RBFOX3: variants seen among roughly 807,000 people sequenced by gnomAD.
RBFOX3 encodes the protein RNA binding fox-1 homolog 3, also known as RNA binding protein fox-1 homolog 3.
A neutral mutation model predicts 48.7 loss-of-function variants in RBFOX3; 17 were observed. The ratio of observed to expected loss-of-function variants is 0.35; its 90% CI spans 0.24 to 0.52. The LOEUF (loss-of-function observed/expected upper bound fraction) is 0.52. Among genes scored for constraint, RBFOX3 ranks in the 20% least tolerant of loss-of-function variants. RBFOX3 has a pLI of 0.94. For synonymous variants in RBFOX3, 212 were observed against 209.5 expected (o/e 1.01, Z -0.10); for missense variants, 382 against 497.5 (o/e 0.77, Z 2.21).
At chr17:79,552,632 CCATTGT>C (rs2091264582) in intron 1 of RBFOX3, among the ~76,000 whole-genome samples, 8 of 152,028 alleles carry the variant, frequency 5.3e-5, no homozygotes, top group African/African-American at 1.9e-4. Flanking sequence ...TATAATGATT[CCATTGT>C]AATTCAAGAA....
At chr17:79,181,006 G>T (rs1472738975) in intron 4 of RBFOX3, among the ~76,000 whole-genome samples, 2 of 152,168 alleles carry the variant, frequency 1.3e-5, no homozygotes, top group African/African-American at 4.8e-5. Flanking sequence ...CTTCCCCGTG[G>T]GTCATGTTGG....
At chr17:79,562,341 C>T (rs2092275467) in intron 1 of RBFOX3, among the ~76,000 whole-genome samples, 2 of 152,206 alleles carry the variant, frequency 1.3e-5, no homozygotes, top group South Asian at 4.1e-4. Flanking sequence ...CGTCCATCTC[C>T]TCTCTTGAGT....
chr17:79,352,490 T>G lies in RBFOX3; in HGVS notation c.-174-44666A>C, dbSNP rs574468175. Reference sequence around the variant, plus strand: ...ACTCAGCCTCGGTTCTTTATGGCAGTGCGAGAACAGATGAAAACAGAAGTG... The same window carrying G: ...ACTCAGCCTCGGTTCTTTATGGCAGGGCGAGAACAGATGAAAACAGAAGTG... On this transcript the variant is annotated intron_variant, in intron 2 of 14. Transcript: ENST00000693108. Among the ~76,000 whole-genome samples the G allele has an allele frequency of 7.2e-5, 11 of 152,310 alleles. No homozygotes were observed. In the East Asian group the frequency reaches 1.9e-3, roughly 27 times the overall value.
rs537595273 is a variant in RBFOX3 at position 79,277,021 on chromosome 17, C to T, written c.-74+30703G>A. The stretch of plus-strand genomic sequence containing the variant: ...AGTGAGCACATGATGACGTCAGCCT[C>T]GGCCTTCTCCAAACTCCAAGGTGGT... On this transcript the variant is annotated intron_variant, in intron 3 of 14. Coordinates refer to ENST00000693108, the MANE Select transcript of RBFOX3 (RefSeq NM_001350451.2). 2.2e-4 allele frequency among the ~76,000 whole-genome samples: 34 copies of T among 152,344 alleles called. No individual in the cohort carries two copies. The East Asian group carries it at 4.8e-3, about 22-fold the overall frequency.
At chr17:79,557,388 C>T (rs1258677906) in intron 1 of RBFOX3, among the ~76,000 whole-genome samples, 1 of 139,392 alleles carries the variant, frequency 7.2e-6, no homozygotes, top group Admixed American at 7.4e-5. Context: ...CATGGAGAAG[C>T]CAACAAGGGC....
chr17:79,094,542 G>A lies in RBFOX3; in HGVS notation c.999-13C>T, dbSNP rs934108895. The stretch of plus-strand genomic sequence containing the variant: ...GACTCTGCCGTAACTAGGGAAGAGC[G>A]TGGGAGGGGGAGTGGGAGGAGGGTG... On this transcript the variant is annotated splice_polypyrimidine_tract_variant and intron_variant, in intron 13 of 14. Coordinates refer to ENST00000693108, the MANE Select transcript of RBFOX3 (RefSeq NM_001350451.2). 20 of 1,230,526 alleles carry A rather than the reference G, an allele frequency of 1.6e-5. No homozygotes were observed. The highest frequency in any genetic ancestry group is 9.8e-5 in the East Asian group (3 of 30,578). The allele number at this position is 1,230,526 out of a possible 1,614,324, so 76.2% of individuals were successfully genotyped here.
At chr17:79,430,734 G>A (rs2068281227) in intron 2 of RBFOX3, among the ~76,000 whole-genome samples, 1 of 152,110 alleles carries the variant, frequency 6.6e-6, no homozygotes, top group Non-Finnish European at 1.5e-5. Flanking sequence ...TAGTAGAGAT[G>A]GGGTTTTGCC....
At chr17:79,095,641 G>T (rs2075075921) in intron 12 of RBFOX3, 67 bp from the exon 13 acceptor site, 3 of 1,398,198 alleles carry the variant, frequency 2.1e-6, no homozygotes, top group South Asian at 2.5e-5. Context: ...AAGGCTGAGT[G>T]GGGAGAGGAG....
intron 2 of RBFOX3, among the ~76,000 whole-genome samples, chr17:79,335,310 C>A (rs1415746843): frequency 2.0e-5 from 3 of 152,204 alleles, no homozygotes; most frequent in African/African-American, 2.4e-5. Flanking sequence ...GTCTGGGGGA[C>A]CTGCATGTGC....
chr17:79,185,152 G>A (rs575003683), intron 4 of RBFOX3, among the ~76,000 whole-genome samples: 20 of 152,290 alleles, frequency 1.3e-4, no homozygotes, highest in African/African-American at 4.8e-4. Context: ...AGGCAGACAG[G>A]GGAAGAGAGA....
intron 4 of RBFOX3, among the ~76,000 whole-genome samples, chr17:79,227,908 C>A (rs969024796): frequency 6.6e-6 from 1 of 152,204 alleles, no homozygotes; most frequent in Non-Finnish European, 1.5e-5. Context: ...ATAGGTACTG[C>A]AGCTTTTTAG....
chr17:79,452,135 C>T (rs938764730), intron 2 of RBFOX3, among the ~76,000 whole-genome samples: 12 of 152,124 alleles, frequency 7.9e-5, no homozygotes, highest in African/African-American at 2.2e-4. Context: ...ATGGGGCAGA[C>T]GGAAGCATGG....
intron 2 of RBFOX3, among the ~76,000 whole-genome samples, chr17:79,394,551 GAGGCTGACAGTCA>G (rs1480723019): frequency 6.6e-6 from 1 of 152,220 alleles, no homozygotes; most frequent in African/African-American, 2.4e-5. Flanking sequence ...TCCAGGACAG[GAGGCTGACAGTCA>G]AGGCAGCACG....
chr17:79,627,592 G>A, the RBFOX3 span, among the ~76,000 whole-genome samples: 5 of 152,150 alleles, frequency 3.3e-5, no homozygotes, highest in Non-Finnish European at 5.9e-5. Context: ...AAGAGCCCGC[G>A]CCTCTCCAAG....
intron 2 of RBFOX3, among the ~76,000 whole-genome samples, chr17:79,309,106 CA>C (rs5822288): frequency 9.7e-5 from 14 of 143,882 alleles, no homozygotes; most frequent in Admixed American, 5.5e-4. Flanking sequence ...GACTCTGTCT[CA>C]AAAAAAAAAA....
chr17:79,370,738 AACAC>A (rs1437148709), intron 2 of RBFOX3, among the ~76,000 whole-genome samples: 1 of 152,050 alleles, frequency 6.6e-6, no homozygotes, highest in African/African-American at 2.4e-5. Flanking sequence ...CGTGCTCACT[AACAC>A]ACACAGGCCT....
At position 79,221,280 on chromosome 17, in the gene RBFOX3, C is replaced by T. The variant is rs574651151; in HGVS notation, c.-34+14486G>A. Among the ~76,000 whole-genome samples, 14 of 152,378 alleles carry T rather than the reference C, an allele frequency of 9.2e-5. No homozygotes were observed. In the South Asian group the frequency reaches 2.9e-3, roughly 32 times the overall value. Reference sequence around the variant, plus strand: ...GCCTGAAGGCCAGAGCCCACCCGGGCGGTTGCCTGCTCTTTGAATAGACAA... The same window carrying T: ...GCCTGAAGGCCAGAGCCCACCCGGGTGGTTGCCTGCTCTTTGAATAGACAA... On this transcript the variant is annotated intron_variant, in intron 4 of 14. Transcript: ENST00000693108.
At chr17:79,266,536 C>A (rs62062926) in intron 3 of RBFOX3, among the ~76,000 whole-genome samples, 1 of 152,138 alleles carries the variant, frequency 6.6e-6, no homozygotes, top group African/African-American at 2.4e-5. Flanking sequence ...GGGTTCCCAA[C>A]GCGGAGCTCC....
chr17:79,181,658 GCCA>G, intron 4 of RBFOX3, among the ~76,000 whole-genome samples: 1 of 151,630 alleles, frequency 6.6e-6, no homozygotes, highest in East Asian at 1.9e-4. Flanking sequence ...GCCACCCTCT[GCCA>G]CTGCTGGCCA....
Sources: allele counts gnomAD v4.1 joint callset (sites outside exome capture counted in the v4.1 genomes callset), GRCh38; gene constraint gnomAD v4.1.1; transcripts MANE v1.5; gene names NCBI Gene and HGNC (gene_info 2026-07-23, HGNC 2026-07-21).